The following UST variants were observed in gnomAD, a reference collection of about 807,000 sequenced individuals.
The protein encoded by UST is uronyl 2-sulfotransferase.
In UST, 21 loss-of-function variants were observed where a neutral mutation model predicts 45.6. The observed-to-expected ratio is 0.46, with a 90% CI of 0.33 to 0.66. The LOEUF (loss-of-function observed/expected upper bound fraction) is 0.66. Ranked by LOEUF, UST falls within the 30% of genes least tolerant of loss-of-function variation. The pLI, the probability that UST is intolerant of heterozygous loss-of-function variation, is 0.02. For synonymous variants in UST, 215 were observed against 200.6 expected, an observed-to-expected ratio of 1.07 and a Z score of -0.61; for missense variants, 463 against 512.4, an observed-to-expected ratio of 0.90 and a Z score of 0.93.
chr6:149,049,929 TCTCACACACA>T (rs993187138), intron 7 of UST, among the ~76,000 whole-genome samples: 5 of 129,734 alleles, frequency 3.9e-5, no homozygotes, highest in African/African-American at 8.8e-5. Flanking sequence ...TCTCTCTCTC[TCTCACACACA>T]CACACACACA....
At chr6:149,032,622 T>A (rs6904550) in intron 7 of UST, 105,022 of 153,108 alleles carry the variant, frequency 0.69, 36,339 homozygotes, top group African/African-American at 0.73. Context: ...ACTGGGAGCC[T>A]TCGGGATCAT....
intron 5 of UST, among the ~76,000 whole-genome samples, chr6:148,994,367 C>T (rs1234745868): frequency 2.6e-5 from 4 of 152,084 alleles, no homozygotes; most frequent in Admixed American, 2.6e-4. Flanking sequence ...TAATGAAAAA[C>T]AATTTATTCA....
At chr6:149,019,276 A>C in intron 6 of UST, 40 bp downstream of exon 6, 1 of 1,515,908 alleles carries the variant, frequency 6.6e-7, no homozygotes, top group South Asian at 1.1e-5. Flanking sequence ...ACGTACGCAC[A>C]ACAAGGGCAA....
chr6:149,048,898 G>A (rs1018068475), intron 7 of UST, among the ~76,000 whole-genome samples: 4 of 152,184 alleles, frequency 2.6e-5, no homozygotes, highest in Non-Finnish European at 5.9e-5. Flanking sequence ...AAGAGAAATG[G>A]CGCCTCAGGA....
intron 1 of UST, among the ~76,000 whole-genome samples, chr6:148,809,321 G>GTTT (rs71779192): frequency 7.0e-6 from 1 of 143,860 alleles, no homozygotes; most frequent in Non-Finnish European, 1.5e-5. Flanking sequence ...TTAGTTTTTT[G>GTTT]TTTTTTTTTT....
chr6:149,031,795 G>C (rs935878041), intron 7 of UST, among the ~76,000 whole-genome samples: 5 of 152,176 alleles, frequency 3.3e-5, no homozygotes, highest in African/African-American at 1.2e-4. Flanking sequence ...CCTGGGGAAG[G>C]GCAGTATAAA....
intron 5 of UST, among the ~76,000 whole-genome samples, chr6:148,968,358 T>A (rs914517881): frequency 2.0e-5 from 3 of 152,274 alleles, no homozygotes; most frequent in Admixed American, 6.5e-5. Flanking sequence ...AAATCATTTT[T>A]AAATAAATTA....
chr6:148,949,437 T>G (rs1780320617), intron 3 of UST, among the ~76,000 whole-genome samples: 1 of 56,768 alleles, frequency 1.8e-5, no homozygotes, highest in Admixed American at 2.0e-4. Flanking sequence ...ATAATAATAT[T>G]ACTTATTCAT....
chr6:148,891,772 A>G (rs897926917), intron 2 of UST, among the ~76,000 whole-genome samples: 2 of 152,252 alleles, frequency 1.3e-5, no homozygotes, highest in Admixed American at 1.3e-4. Context: ...CCTTCAGTAT[A>G]CCAGAAAAAA....
rs749867997 is a variant in UST, at chr6:148,964,390, G to A, written c.528-20G>A. The A allele has an allele frequency of 4.3e-6, 7 of 1,613,492 alleles. No individual in the cohort carries two copies. The highest frequency in any genetic ancestry group is 1.6e-4 in the Middle Eastern group (1 of 6,084). On this transcript the variant is annotated intron_variant, in intron 4 of 7. Coordinates refer to ENST00000367463, the MANE Select transcript of UST (RefSeq NM_005715.3). ...TCGTCCTGCAGTGATGGGTTGTAAC[G>A]AACTCAATGTTTGTGTTAGGTTTGG...
chr6:148,970,899 G>A (rs1196343568), intron 5 of UST, among the ~76,000 whole-genome samples: 2 of 152,202 alleles, frequency 1.3e-5, no homozygotes, highest in East Asian at 3.8e-4. Flanking sequence ...GGCTCACCCC[G>A]ATAATCCGGC....
At chr6:148,903,822 C>T (rs1045281516) in intron 2 of UST, among the ~76,000 whole-genome samples, 25 of 152,158 alleles carry the variant, frequency 1.6e-4, no homozygotes, top group Admixed American at 1.0e-3. Flanking sequence ...TAGGGGCTTC[C>T]TCCCAGGAAA....
chr6:148,791,025 A>G (rs183689430), intron 1 of UST, among the ~76,000 whole-genome samples: 1 of 152,364 alleles, frequency 6.6e-6, no homozygotes, highest in East Asian at 1.9e-4. Flanking sequence ...TTCGCTGACT[A>G]CTGAATCTGG....
intron 1 of UST, among the ~76,000 whole-genome samples, chr6:148,789,551 G>T (rs1359012802): frequency 6.6e-6 from 1 of 151,422 alleles, no homozygotes; most frequent in Non-Finnish European, 1.5e-5. Flanking sequence ...ATGCAACATT[G>T]AAAATATGTA....
At chr6:148,918,505 C>T (rs1443722570) in intron 2 of UST, among the ~76,000 whole-genome samples, 1 of 152,148 alleles carries the variant, frequency 6.6e-6, no homozygotes, top group East Asian at 1.9e-4. Flanking sequence ...CCTGCTGGTG[C>T]TTTTGATGTA....
chr6:149,043,004 T>TTTCTTTCC (rs1340584183), intron 7 of UST, among the ~76,000 whole-genome samples: 6 of 116,290 alleles, frequency 5.2e-5, no homozygotes, highest in African/African-American at 2.5e-4. Context: ...TCTTTCTTTC[T>TTTCTTTCC]TTCTTTCTTT....
intron 1 of UST, among the ~76,000 whole-genome samples, chr6:148,788,063 A>G (rs893307169): frequency 3.3e-5 from 5 of 152,218 alleles, no homozygotes; most frequent in African/African-American, 9.6e-5. Context: ...CCACATGGCT[A>G]GGGAGGCCTT....
At chr6:148,932,012 A>G (rs1031118756) in intron 2 of UST, among the ~76,000 whole-genome samples, 2 of 152,198 alleles carry the variant, frequency 1.3e-5, no homozygotes, top group Admixed American at 6.5e-5. Flanking sequence ...TGTGGATTTC[A>G]TTTCTCTTTC....
rs552535633 is a variant in UST at position 148,957,047 on chromosome 6, G to A, written c.527+3096G>A. ...GCGACCAGCAGAAGAGCAGGGCCAA[G>A]AGGAACTGAAAGGGATGCAGTGCAA... On this transcript the variant is annotated intron_variant, in intron 4 of 7. Coordinates refer to ENST00000367463, the MANE Select transcript of UST (RefSeq NM_005715.3). Among the ~76,000 whole-genome samples the A allele has an allele frequency of 3.3e-5, 5 of 152,256 alleles. No homozygotes were observed. In the South Asian group the frequency reaches 1.0e-3, roughly 32 times the overall value.
Sources: allele counts gnomAD v4.1 joint callset (sites outside exome capture counted in the v4.1 genomes callset), GRCh38; gene constraint gnomAD v4.1.1; transcripts MANE v1.5; gene names NCBI Gene and HGNC (gene_info 2026-07-23, HGNC 2026-07-21).